Variants in HMCN1 observed in about 807,000 individuals in gnomAD.
The protein encoded by HMCN1 is hemicentin-1.
HMCN1 carries 321 observed loss-of-function variants against 625.9 expected under a neutral mutation model. The ratio of observed to expected loss-of-function variants is 0.51; its 90% CI spans 0.47 to 0.56. The LOEUF is 0.56. HMCN1 is among the 20% of genes least tolerant of loss of function. The pLI, the probability that HMCN1 is intolerant of heterozygous loss-of-function variation, is 0.00. For synonymous variants in HMCN1, 2,425 were observed against 2,417.6 expected, an observed-to-expected ratio of 1.00 and a Z score of -0.09; for missense variants, 6,588 against 6,887.3, an observed-to-expected ratio of 0.96 and a Z score of 1.54.
chr1:185,734,905 G>A lies in HMCN1; in HGVS notation c.126G>A (p.Leu42=), dbSNP rs757621363. 8.1e-6 allele frequency: 13 copies of A among 1,614,206 alleles called. No individual in the cohort carries two copies. Among genetic ancestry groups the A allele is most frequent in the South Asian group, 1.1e-5 (1 of 91,080 alleles). Residue 42 remains leucine (L), a synonymous_variant, in exon 1 of 107, where the codon TTG becomes TTA. Coordinates refer to ENST00000271588, the MANE Select transcript of HMCN1 (RefSeq NM_031935.3). ...AAATTCCCGAGGGGGCCTCCACGTT[G>A]GCTTTTGTGTTTGATGTGACTGGTT... ...AEEIPEGAST[L]AFVFDVTGSM...
At chr1:185,946,150 G>A (rs369013426) in intron 11 of HMCN1, among the ~76,000 whole-genome samples, 22 of 152,274 alleles carry the variant, frequency 1.4e-4, no homozygotes, top group African/African-American at 4.8e-4. Flanking sequence ...CAAGGCAAGC[G>A]TTCTTCCAGC....
chr1:185,970,925 G>A (rs1273949513), intron 15 of HMCN1, among the ~76,000 whole-genome samples: 17 of 152,062 alleles, frequency 1.1e-4, no homozygotes, highest in Admixed American at 1.1e-3. Context: ...CTCCCAAAGT[G>A]CTGGGATTAC....
At chr1:186,036,383 G>A (rs1370587566) in intron 36 of HMCN1, among the ~76,000 whole-genome samples, 2 of 152,074 alleles carry the variant, frequency 1.3e-5, no homozygotes, top group Non-Finnish European at 2.9e-5. Context: ...ATCTCACATG[G>A]TGGCAGACAA....
intron 93 of HMCN1, among the ~76,000 whole-genome samples, chr1:186,149,228 C>A (rs1205816717): frequency 6.6e-6 from 1 of 152,170 alleles, no homozygotes; most frequent in African/African-American, 2.4e-5. Context: ...AATTCCTAGC[C>A]AGCATCTTCT....
chr1:185,952,337 C>T (rs1350825126), intron 11 of HMCN1, among the ~76,000 whole-genome samples: 8 of 151,274 alleles, frequency 5.3e-5, no homozygotes, highest in South Asian at 2.1e-4. Context: ...GGACCTAGCT[C>T]GGCCTGGAGA....
At chr1:186,036,936 A>G (rs1398013311) in intron 36 of HMCN1, among the ~76,000 whole-genome samples, 1 of 152,142 alleles carries the variant, frequency 6.6e-6, no homozygotes, top group African/African-American at 2.4e-5. Flanking sequence ...TTTAAGTGTC[A>G]AAAAGCTCTA....
Position 186,153,896 on chromosome 1 carries a change from G to C in HMCN1, c.15165G>C (p.Leu5055Phe). ...YDQAQGRMPFLVETLHASSVE... is the reference protein window; with the variant it reads ...YDQAQGRMPFFVETLHASSVE... ...AGGCACAGGGAAGAATGCCTTTCTTGGTTGAAACACTTCATGCATCCTCTG... is the reference window on the plus strand; with the variant it reads ...AGGCACAGGGAAGAATGCCTTTCTTCGTTGAAACACTTCATGCATCCTCTG... The change falls in exon 97 of 107, where the codon TTG becomes TTC. Residue 5055 changes from leucine to phenylalanine, a missense_variant. Physicochemically the swap from Leu to Phe is conservative, Grantham distance 22. Around this residue, in one of 3 missense-constraint regions of HMCN1, gnomAD observed 1,954 missense variants for 2,013.1 expected, o/e 0.97. Coordinates refer to ENST00000271588, the MANE Select transcript of HMCN1 (RefSeq NM_031935.3). The C allele has an allele frequency of 6.2e-7, 1 of 1,614,088 alleles. No homozygotes were observed. The highest frequency in any genetic ancestry group is 8.5e-7 in the Non-Finnish European group (1 of 1,180,008).
At chr1:185,908,805 A>G (rs940427070) in intron 4 of HMCN1, among the ~76,000 whole-genome samples, 1 of 149,202 alleles carries the variant, frequency 6.7e-6, no homozygotes, top group Non-Finnish European at 1.5e-5. Flanking sequence ...TTTTTCTATA[A>G]TTAGTATGCT....
intron 71 of HMCN1, among the ~76,000 whole-genome samples, chr1:186,109,224 C>T (rs1005473382): frequency 1.3e-5 from 2 of 152,132 alleles, no homozygotes; most frequent in African/African-American, 4.8e-5. Flanking sequence ...CTTCCTCATC[C>T]TCTTATTGTA....
chr1:186,116,557 TAAAC>T (rs1000047272), intron 75 of HMCN1, among the ~76,000 whole-genome samples: 3 of 152,062 alleles, frequency 2.0e-5, no homozygotes, highest in Non-Finnish European at 4.4e-5. Flanking sequence ...TCAATGGAAA[TAAAC>T]AAATATCAAC....
intron 35 of HMCN1, among the ~76,000 whole-genome samples, chr1:186,021,577 TATA>T (rs1654725508): frequency 6.6e-6 from 1 of 152,078 alleles, no homozygotes; most frequent in African/African-American, 2.4e-5. Context: ...GACCATGTAA[TATA>T]ATAGTCCAGA....
chr1:186,017,115 T>C, intron 33 of HMCN1, 44 bp downstream of exon 33: 1 of 1,015,232 alleles, frequency 9.8e-7, no homozygotes, highest in Non-Finnish European at 1.6e-6. Context: ...TGCTTTTTGT[T>C]TTGAGTGTTT....
chr1:186,166,250 A>G lies in HMCN1; in HGVS notation c.15386A>G (p.Tyr5129Cys), dbSNP rs1651871022. The G allele has an allele frequency of 6.2e-7, 1 of 1,614,120 alleles. No individual in the cohort carries two copies. The highest frequency in any genetic ancestry group is 8.5e-7 in the Non-Finnish European group (1 of 1,179,988). The change falls in exon 99 of 107, where the codon TAC becomes TGC. Residue 5129 changes from tyrosine (Y) to cysteine (C), a missense_variant. By Grantham distance (194) the Tyr-to-Cys change is radical (BLOSUM62 -2). Around this residue, in one of 3 missense-constraint regions of HMCN1, gnomAD observed 1,954 missense variants for 2,013.1 expected, o/e 0.97. Transcript: ENST00000271588. The part of the protein sequence containing the change: ...HSCHNAMGTY[Y>C]CSCPKGLTIA... Reference sequence around the variant, plus strand: ...TGCCACAATGCCATGGGGACTTACTACTGCTCCTGCCCTAAAGGCCTCACC... The same window carrying G: ...TGCCACAATGCCATGGGGACTTACTGCTGCTCCTGCCCTAAAGGCCTCACC...
chr1:185,987,324 G>T, intron 19 of HMCN1, 108 bp from the exon 20 acceptor site: 1 of 763,802 alleles, frequency 1.3e-6, no homozygotes. Context: ...TTAAATAATT[G>T]CTCATTTTTA....
chr1:185,990,482 A>T lies in HMCN1; in HGVS notation c.3377+39A>T, dbSNP rs766285140. On this transcript the variant is annotated intron_variant, in intron 22 of 106. Transcript: ENST00000271588. ...GATGAATTGCAACACATGAAAACAT[A>T]ATCAACCTCTTGGGACAGATGGCCA... 21 of 1,578,748 alleles carry T rather than the reference A, an allele frequency of 1.3e-5. 1 individual carries two copies. The South Asian group carries it at 2.2e-4, about 17-fold the overall frequency.
At chr1:185,984,876 A>G (rs572913272) in intron 19 of HMCN1, among the ~76,000 whole-genome samples, 1 of 152,326 alleles carries the variant, frequency 6.6e-6, no homozygotes, top group African/African-American at 2.4e-5. Flanking sequence ...TGACAGCTTC[A>G]TAGATTAAGA....
chr1:186,138,544 G>A (rs1348910086), intron 89 of HMCN1, among the ~76,000 whole-genome samples: 1 of 152,180 alleles, frequency 6.6e-6, no homozygotes, highest in Non-Finnish European at 1.5e-5. Flanking sequence ...GATTTGGACA[G>A]TGCTTTTACT....
At chr1:185,821,659 G>A (rs746180380) in intron 1 of HMCN1, among the ~76,000 whole-genome samples, 5 of 151,804 alleles carry the variant, frequency 3.3e-5, no homozygotes, top group Non-Finnish European at 7.4e-5. Flanking sequence ...GACTTGCTGA[G>A]AGGTATGGAG....
rs758304167 is a variant in HMCN1, at chr1:185,965,807, C to T, written c.2104C>T (p.Pro702Ser). The change falls in exon 14 of 107, where the codon CCT (proline) becomes TCT (serine). Residue 702 changes from proline (P) to serine (S), a missense_variant. Coordinates refer to ENST00000271588, the MANE Select transcript of HMCN1 (RefSeq NM_031935.3). ...TGCGTTTTTGTTTTTTTCAGAAGCC[C>T]CTAAGTTGATGGTAGTTCAGAGTGA... is the stretch of plus-strand genomic sequence containing the variant. ...QNSTLRYIEA[P>S]KLMVVQSELL... 16 of 1,599,754 alleles carry T rather than the reference C, an allele frequency of 1.0e-5. No homozygotes were observed. Among genetic ancestry groups the T allele is most frequent in the Non-Finnish European group, 1.4e-5 (16 of 1,167,414 alleles).
Sources: gnomAD v4.1 joint callset for allele counts (sites outside exome capture counted in the v4.1 genomes callset) on GRCh38, gnomAD v4.1.1 for gene constraint, gnomAD v4.1.1 regional missense constraint, MANE v1.5 for transcripts, NCBI Gene and HGNC (gene_info 2026-07-23, HGNC 2026-07-21) for gene names.